BUB1B: variants seen among roughly 807,000 people sequenced by gnomAD.
BUB1B encodes the protein mitotic checkpoint serine/threonine-protein kinase BUB1 beta.
A neutral mutation model predicts 137.7 loss-of-function variants in BUB1B; 86 were observed. The observed-to-expected ratio is 0.62, with a 90% CI of 0.52 to 0.75. BUB1B has a LOEUF of 0.75. Among genes scored for constraint, BUB1B ranks in the 30% least tolerant of loss-of-function variants. BUB1B has a pLI of 0.00. For missense variants in BUB1B, 1,130 were observed against 1,236.9 expected (o/e 0.91, Z 1.30); for synonymous variants, 420 against 417.9 (o/e 1.00, Z -0.06).
intron 5 of BUB1B, among the ~76,000 whole-genome samples, chr15:40,179,145 A>G (rs1444605601): frequency 6.6e-6 from 1 of 150,676 alleles, no homozygotes; most frequent in Non-Finnish European, 1.5e-5. Flanking sequence ...TACTTAGCAT[A>G]CTATTTCCTT....
At chr15:40,192,369 T>C (rs78391519) in intron 8 of BUB1B, among the ~76,000 whole-genome samples, 1 of 152,194 alleles carries the variant, frequency 6.6e-6, no homozygotes, top group Non-Finnish European at 1.5e-5. Flanking sequence ...TTTGTTATAA[T>C]TGATGAACCA....
chr15:40,199,269 T>C (rs2037534496), intron 9 of BUB1B, among the ~76,000 whole-genome samples: 1 of 152,242 alleles, frequency 6.6e-6, no homozygotes, highest in African/African-American at 2.4e-5. Context: ...AAACTGATTT[T>C]CTTGTGTGTG....
Position 40,209,694 on chromosome 15 carries a change from C to A in BUB1B, c.2203C>A (p.Pro735Thr), listed in dbSNP as rs748748604. Reference protein sequence around the residue: ...QYRRQLLKSLPELSASAELCI... With the variant: ...QYRRQLLKSLTELSASAELCI... ...TCGCAGACAGCTACTGAAGTCCCTACCAGAGTTAAGTGCCTCTGCAGAGTT... is the reference window on the plus strand; with the variant it reads ...TCGCAGACAGCTACTGAAGTCCCTAACAGAGTTAAGTGCCTCTGCAGAGTT... The change falls in exon 17 of 23, where the codon CCA becomes ACA. Residue 735 changes from proline (P) to threonine (T), a missense_variant. Coordinates refer to ENST00000287598, the MANE Select transcript of BUB1B (RefSeq NM_001211.6). The A allele has an allele frequency of 6.2e-7, 1 of 1,614,076 alleles. No homozygotes were observed. The highest frequency in any genetic ancestry group is 8.5e-7 in the Non-Finnish European group (1 of 1,179,978).
intron 19 of BUB1B, 48 bp from the exon 20 acceptor site, chr15:40,213,284 A>T: frequency 8.1e-6 from 13 of 1,606,062 alleles, no homozygotes; most frequent in Non-Finnish European, 1.1e-5. Flanking sequence ...TATAACTACG[A>T]TCTGCCAAAC....
At chr15:40,166,634 C>T (rs1023669006) in intron 2 of BUB1B, among the ~76,000 whole-genome samples, 3 of 152,222 alleles carry the variant, frequency 2.0e-5, no homozygotes, top group African/African-American at 7.2e-5. Flanking sequence ...GCCACCGCGC[C>T]CAGCAGTAGA....
At chr15:40,205,537 A>T (rs2037627048) in intron 14 of BUB1B, among the ~76,000 whole-genome samples, 1 of 152,242 alleles carries the variant, frequency 6.6e-6, no homozygotes, top group African/African-American at 2.4e-5. Context: ...AAATTAAAGG[A>T]TTTATAAAGA....
chr15:40,187,919 T>TA (rs957116065), intron 8 of BUB1B, among the ~76,000 whole-genome samples: 5 of 152,060 alleles, frequency 3.3e-5, no homozygotes, highest in African/African-American at 1.2e-4. Context: ...ATAACGAAAA[T>TA]AAAAAAGAAA....
At chr15:40,166,984 G>A (rs1013391461) in intron 2 of BUB1B, among the ~76,000 whole-genome samples, 4 of 151,898 alleles carry the variant, frequency 2.6e-5, no homozygotes, top group Non-Finnish European at 4.4e-5. Context: ...GTGTTGTAGG[G>A]GTTCTTTATT....
intron 20 of BUB1B, among the ~76,000 whole-genome samples, chr15:40,216,356 T>G (rs1318906126): frequency 6.6e-6 from 1 of 151,794 alleles, no homozygotes; most frequent in Non-Finnish European, 1.5e-5. Context: ...GAGGATCGCT[T>G]GAACCTAGGA....
rs760449580 is a variant in BUB1B at position 40,206,137 on chromosome 15, C to T, written c.1735-47C>T. On this transcript the variant is annotated intron_variant, in intron 14 of 22. Transcript: ENST00000287598. ...TGTCTCTCTCAGTAAAAAAGTTCTT[C>T]ATGTATTGAAATATTTTAGCTAAAC... The T allele has an allele frequency of 3.7e-6, 6 of 1,601,004 alleles. No homozygotes were observed. In the African/African-American group the frequency reaches 8.0e-5, roughly 21 times the overall value.
chr15:40,216,510 T>C (rs987620916), intron 20 of BUB1B, among the ~76,000 whole-genome samples: 2 of 147,714 alleles, frequency 1.4e-5, no homozygotes, highest in African/African-American at 2.5e-5. Context: ...ATATTTTATA[T>C]ATATCAGAAT....
In BUB1B at chr15:40,199,036, A is replaced by G. The variant is rs2037532193; in HGVS notation, c.1289-579A>G. 2.6e-5 allele frequency among the ~76,000 whole-genome samples: 4 copies of G among 152,186 alleles called. 1 individual carries two copies. The South Asian group carries it at 8.3e-4, about 31-fold the overall frequency. ...TACACTGGACTTCCTTTGGATTCTT[A>G]GACACAGTGGTCTTTTCCTGCATTG... On this transcript the variant is annotated intron_variant, in intron 9 of 22. Transcript: ENST00000287598.
chr15:40,211,304 C>G lies in BUB1B; in HGVS notation c.2385+1094C>G, dbSNP rs552365812. ...TTTGTCTGTTTTGATCTCTCTCACA[C>G]TACAGGCTTTCTTCAAGTCTTTGGC... is the stretch of plus-strand genomic sequence containing the variant. On this transcript the variant is annotated intron_variant, in intron 18 of 22. Transcript: ENST00000287598. Among the ~76,000 whole-genome samples the G allele has an allele frequency of 2.6e-5, 4 of 152,206 alleles. No homozygotes were observed. In the East Asian group the frequency reaches 5.8e-4, roughly 22 times the overall value.
At position 40,165,230 on chromosome 15, in the gene BUB1B, A is replaced by C. The variant is rs17668261; in HGVS notation, c.179+34A>C. On this transcript the variant is annotated intron_variant, in intron 2 of 22. Transcript: ENST00000287598. Reference sequence around the variant, plus strand: ...AATGGCTGAGTCTCAACCTGTCGTCATTCATCCTAAATGTTGTAGATAACG... The same window carrying C: ...AATGGCTGAGTCTCAACCTGTCGTCCTTCATCCTAAATGTTGTAGATAACG... The C allele has an allele frequency of 0.13, 212,609 of 1,613,554 alleles. 15,277 individuals are homozygous for C. Among genetic ancestry groups the C allele is most frequent in the Non-Finnish European group, 0.15 (171,662 of 1,179,634 alleles).
intron 8 of BUB1B, among the ~76,000 whole-genome samples, chr15:40,189,842 C>T (rs1042092428): frequency 3.3e-5 from 5 of 152,150 alleles, no homozygotes; most frequent in Admixed American, 1.3e-4. Context: ...CCCTAATGTA[C>T]GAGTACTCCA....
At chr15:40,174,384 T>C (rs544873371) in intron 4 of BUB1B, among the ~76,000 whole-genome samples, 1 of 152,350 alleles carries the variant, frequency 6.6e-6, no homozygotes, top group Non-Finnish European at 1.5e-5. Context: ...GTTAAAGATA[T>C]AAATAAAACA....
chr15:40,211,360 A>C (rs1174037720), intron 18 of BUB1B, among the ~76,000 whole-genome samples: 3 of 152,032 alleles, frequency 2.0e-5, no homozygotes, highest in Non-Finnish European at 4.4e-5. Context: ...TGGGACATTG[A>C]AAGCTCTGTG....
intron 18 of BUB1B, among the ~76,000 whole-genome samples, chr15:40,210,902 G>A (rs1293267021): frequency 6.6e-6 from 1 of 152,170 alleles, no homozygotes; most frequent in East Asian, 1.9e-4. Flanking sequence ...ATTCTGAAAT[G>A]TCACAATTAC....
At chr15:40,184,393 C>T in intron 6 of BUB1B, among the ~76,000 whole-genome samples, 1 of 151,732 alleles carries the variant, frequency 6.6e-6, no homozygotes, top group Non-Finnish European at 1.5e-5. Flanking sequence ...CAGCTTCAAA[C>T]TCCTAGGCTC....
Sources: allele counts gnomAD v4.1 joint callset (sites outside exome capture counted in the v4.1 genomes callset), GRCh38; gene constraint gnomAD v4.1.1; transcripts MANE v1.5; gene names NCBI Gene and HGNC (gene_info 2026-07-23, HGNC 2026-07-21).